Variants in LOC400499 observed in about 807,000 individuals in gnomAD.
the LOC400499 span, chr16:11,456,812 C>T: frequency 6.5e-7 from 1 of 1,533,518 alleles, no homozygotes; most frequent in Non-Finnish European, 8.7e-7. Context: ...GCCTGGAGAT[C>T]AGAAACCTGA....
the LOC400499 span, chr16:11,516,260 C>G: frequency 2.5e-6 from 1 of 399,628 alleles, no homozygotes; most frequent in Non-Finnish European, 4.4e-6. Flanking sequence ...GTGGGCCACA[C>G]GCCCAGAGTG....
chr16:11,399,479 G>A, the LOC400499 span: 6 of 399,062 alleles, frequency 1.5e-5, no homozygotes, highest in South Asian at 7.6e-4. Flanking sequence ...CACCTCGTAG[G>A]TCAAGTTCTG....
chr16:11,419,203 T>A, the LOC400499 span, among the ~76,000 whole-genome samples: 2 of 151,670 alleles, frequency 1.3e-5, no homozygotes, highest in African/African-American at 4.9e-5. Flanking sequence ...AAAAATATAC[T>A]ACAAGGCTAC....
chr16:11,516,332 A>G, the LOC400499 span: 1 of 399,284 alleles, frequency 2.5e-6, no homozygotes, highest in East Asian at 3.6e-5. Flanking sequence ...ACAGGGGTCA[A>G]GCGGGACCCT....
chr16:11,468,026 G>A, the LOC400499 span, among the ~76,000 whole-genome samples: 1 of 152,036 alleles, frequency 6.6e-6, no homozygotes, highest in Non-Finnish European at 1.5e-5. Flanking sequence ...AGGAGCTCTG[G>A]GGGCTTCTAG....
At chr16:11,437,192 G>A in the LOC400499 span, among the ~76,000 whole-genome samples, 5 of 152,184 alleles carry the variant, frequency 3.3e-5, no homozygotes, top group African/African-American at 4.8e-5. Flanking sequence ...GAACCCAGAG[G>A]ATTTTTTAGG....
At chr16:11,425,386 G>A in the LOC400499 span, 5 of 399,234 alleles carry the variant, frequency 1.3e-5, no homozygotes, top group South Asian at 3.8e-4. Context: ...TGCTGGTCCC[G>A]CAGGAGGAAG....
At chr16:11,524,649 G>A in the LOC400499 span, among the ~76,000 whole-genome samples, 3 of 152,188 alleles carry the variant, frequency 2.0e-5, no homozygotes, top group African/African-American at 7.2e-5. Flanking sequence ...GGCATGAGCA[G>A]ATGTGGTGAG....
At chr16:11,440,518 T>C in the LOC400499 span, among the ~76,000 whole-genome samples, 1 of 152,190 alleles carries the variant, frequency 6.6e-6, no homozygotes, top group Non-Finnish European at 1.5e-5. Flanking sequence ...AACACTGGCC[T>C]TTCACAAAGA....
At chr16:11,478,884 G>T in the LOC400499 span, among the ~76,000 whole-genome samples, 1 of 152,176 alleles carries the variant, frequency 6.6e-6, no homozygotes, top group Non-Finnish European at 1.5e-5. Context: ...TGGGGCTCAG[G>T]AGATTCTATG....
At chr16:11,525,392 T>G in the LOC400499 span, among the ~76,000 whole-genome samples, 6 of 151,934 alleles carry the variant, frequency 3.9e-5, no homozygotes, top group African/African-American at 1.5e-4. Flanking sequence ...CTTTAAAACA[T>G]TGGACATGGT....
chr16:11,519,169 C>G, the LOC400499 span, among the ~76,000 whole-genome samples: 1 of 152,142 alleles, frequency 6.6e-6, no homozygotes, highest in Non-Finnish European at 1.5e-5. Flanking sequence ...TAATCAAGTA[C>G]CTACAGCTCC....
At chr16:11,476,574 C>T in the LOC400499 span, among the ~76,000 whole-genome samples, 1 of 152,150 alleles carries the variant, frequency 6.6e-6, no homozygotes. Flanking sequence ...TGTACTCAGA[C>T]ACAGGCTCAT....
At chr16:11,497,175 T>C in the LOC400499 span, among the ~76,000 whole-genome samples, 11,732 of 152,194 alleles carry the variant, frequency 0.077, 635 homozygotes, top group African/African-American at 0.16. Context: ...CACGTCCCAG[T>C]GCAATGGGTG....
the LOC400499 span, among the ~76,000 whole-genome samples, chr16:11,492,114 T>A: frequency 3.3e-5 from 5 of 152,182 alleles, no homozygotes. Flanking sequence ...TACGTTCCAA[T>A]AAAACTATTT....
At chr16:11,485,547 C>T in the LOC400499 span, among the ~76,000 whole-genome samples, 2 of 152,128 alleles carry the variant, frequency 1.3e-5, no homozygotes, top group Non-Finnish European at 2.9e-5. Flanking sequence ...CTGTCCCTCC[C>T]GTCTTCCATC....
chr16:11,393,536 C>T, the LOC400499 span: 1 of 1,232,460 alleles, frequency 8.1e-7, no homozygotes, highest in Non-Finnish European at 1.0e-6. Context: ...GTAGGCCAAC[C>T]CGCTGAGCCT....
the LOC400499 span, among the ~76,000 whole-genome samples, chr16:11,476,174 G>C: frequency 6.6e-6 from 1 of 151,862 alleles, no homozygotes; most frequent in Non-Finnish European, 1.5e-5. Flanking sequence ...GGTGAGTGAG[G>C]GGCAGGGAAC....
chr16:11,438,796 A>C, the LOC400499 span, among the ~76,000 whole-genome samples: 4 of 150,680 alleles, frequency 2.7e-5, no homozygotes, highest in South Asian at 4.2e-4. Flanking sequence ...CTCAAAAGAA[A>C]TTTTAAAATG....
Sources: allele counts gnomAD v4.1 joint callset (sites outside exome capture counted in the v4.1 genomes callset), GRCh38; gene constraint gnomAD v4.1.1; transcripts MANE v1.5.